NADK: variants seen among roughly 807,000 people sequenced by gnomAD.
NADK encodes the protein poly(P)/ATP NAD kinase.
A neutral mutation model predicts 49.8 loss-of-function variants in NADK; 22 were observed. The observed-to-expected ratio is 0.44, with a 90% CI of 0.32 to 0.63. The LOEUF (loss-of-function observed/expected upper bound fraction) is 0.63, where lower values mean the gene tolerates loss of function less well. Among genes scored for constraint, NADK ranks in the 30% least tolerant of loss-of-function variants. NADK has a pLI of 0.06. For synonymous variants in NADK, 268 were observed against 253.7 expected (o/e 1.06, Z -0.54); for missense variants, 438 against 609.4 (o/e 0.72, Z 2.96).
At chr1:1,756,791 A>G in intron 4 of NADK, 183 bp from the exon 5 acceptor site, 1 of 1,096,358 alleles carries the variant, frequency 9.1e-7, no homozygotes, top group Non-Finnish European at 1.4e-6. Context: ...TTAAGAGATG[A>G]CTGGGCGGAG....
rs1645349575 is a variant in NADK at position 1,752,273 on chromosome 1, GT to G, written c.*630del. On this transcript the variant is annotated 3_prime_UTR_variant, in exon 12 of 12. Transcript: ENST00000341426. ...CAGAAGCTACGTGAGGAATGTGTGG[GT>G]CGCTGGCGATGCCAGCCCCCTTCCC... The G allele has an allele frequency of 6.6e-6, 1 of 152,606 alleles. No homozygotes were observed. The highest frequency in any genetic ancestry group is 6.5e-5 in the Admixed American group (1 of 15,284). The allele number at this position is 152,606 out of a possible 1,614,324, so 9.5% of individuals were successfully genotyped here.
intron 6 of NADK, among the ~76,000 whole-genome samples, chr1:1,755,745 G>C (rs1044754602): frequency 6.6e-6 from 1 of 152,210 alleles, no homozygotes; most frequent in East Asian, 1.9e-4. Context: ...GGGGGAGCTG[G>C]CGAGGGCGGG....
intron 1 of NADK, among the ~76,000 whole-genome samples, chr1:1,775,934 G>A (rs949893798): frequency 6.6e-6 from 1 of 152,192 alleles, no homozygotes; most frequent in East Asian, 1.9e-4. Context: ...CACTTGTCCA[G>A]AACGGCTGAA....
At chr1:1,761,270 T>G (rs1048433972) in intron 3 of NADK, among the ~76,000 whole-genome samples, 1 of 152,110 alleles carries the variant, frequency 6.6e-6, no homozygotes, top group Non-Finnish European at 1.5e-5. Flanking sequence ...GGATTACAGG[T>G]GTGAGCCACC....
At chr1:1,757,152 C>CA in intron 4 of NADK, 29 bp downstream of exon 4, 3 of 1,482,532 alleles carry the variant, frequency 2.0e-6, no homozygotes, top group South Asian at 2.4e-5. Context: ...ATGTGCACCC[C>CA]AGGCCCCCTT....
rs751807515 is a variant in NADK, at chr1:1,754,159, G to A, written c.993C>T (p.Ala331=). Reference sequence around the variant, plus strand: ...CGTTGGGGTGGATCATGGAGGCCCCGGCCGCGGCCGCATACGCCGTGCTGC... The same window carrying A: ...CGTTGGGGTGGATCATGGAGGCCCCAGCCGCGGCCGCATACGCCGTGCTGC... ...PTGSTAYAAA[A]GASMIHPNVP... The change falls in exon 10 of 12, where the codon GCC becomes GCT. Residue 331 remains alanine, a synonymous_variant. Coordinates refer to ENST00000341426, the MANE Select transcript of NADK (RefSeq NM_023018.5). This position sits in a 1 kb window ranked among gnomAD's most constrained non-coding sequence, Gnocchi z 4.3. The A allele has an allele frequency of 1.4e-5, 23 of 1,612,114 alleles. No individual in the cohort carries two copies. The highest frequency in any genetic ancestry group is 8.9e-5 in the East Asian group (4 of 44,862).
intron 3 of NADK, among the ~76,000 whole-genome samples, chr1:1,760,392 C>G (rs890571020): frequency 2.6e-5 from 4 of 152,186 alleles, no homozygotes; most frequent in African/African-American, 9.7e-5. Flanking sequence ...GCCGCGGGGC[C>G]CACACTTTGC....
At chr1:1,766,545 T>C (rs1645893811) in intron 1 of NADK, among the ~76,000 whole-genome samples, 1 of 148,972 alleles carries the variant, frequency 6.7e-6, no homozygotes, top group East Asian at 2.0e-4. Context: ...TCAAATAAAA[T>C]TGAACCAGCA....
chr1:1,758,823 T>A (rs1033160488), intron 3 of NADK, among the ~76,000 whole-genome samples: 1 of 152,202 alleles, frequency 6.6e-6, no homozygotes, highest in Non-Finnish European at 1.5e-5. Context: ...TCTGTTCCCG[T>A]GGCCTCAGAC....
intron 6 of NADK, 94 bp downstream of exon 6, chr1:1,756,164 G>A: frequency 1.7e-6 from 2 of 1,184,244 alleles, no homozygotes; most frequent in Non-Finnish European, 1.3e-6. Flanking sequence ...TCGTATAAAG[G>A]GGTGAAAAGC....
chr1:1,758,488 C>G (rs751223980), intron 3 of NADK: 4 of 1,612,182 alleles, frequency 2.5e-6, no homozygotes, highest in South Asian at 1.1e-5. Context: ...GCCAGTGTGT[C>G]CACAGCATCC....
chr1:1,770,458 T>C lies in NADK; in HGVS notation c.-40-5012A>G, dbSNP rs536033648. On this transcript the variant is annotated intron_variant, in intron 1 of 11. Coordinates refer to ENST00000341426, the MANE Select transcript of NADK (RefSeq NM_023018.5). The stretch of plus-strand genomic sequence containing the variant: ...CAAATAAGTGAGTTTATTAGCAAGG[T>C]TTCAGAAGGCAAATTCAATACACAA... 7.9e-5 allele frequency among the ~76,000 whole-genome samples: 12 copies of C among 152,312 alleles called. No homozygotes were observed. In the South Asian group the frequency reaches 2.5e-3, roughly 32 times the overall value.
At chr1:1,758,411 C>G (rs1012899260) in intron 3 of NADK, 11 of 1,611,988 alleles carry the variant, frequency 6.8e-6, no homozygotes, top group Non-Finnish European at 8.5e-6. Flanking sequence ...ATGCCATCCC[C>G]TATGAGCTCA....
At chr1:1,762,180 C>T (rs1250651212) in intron 2 of NADK, 145 bp from the exon 3 acceptor site, 1 of 711,288 alleles carries the variant, frequency 1.4e-6, no homozygotes, top group Non-Finnish European at 2.4e-6. Flanking sequence ...CACACAATAG[C>T]CCTTGGAAGG....
intron 6 of NADK, among the ~76,000 whole-genome samples, chr1:1,755,733 C>T (rs1645496791): frequency 6.6e-6 from 1 of 151,736 alleles, no homozygotes; most frequent in South Asian, 2.1e-4. Context: ...GCACGGAGGG[C>T]TGGGGGAGCT....
In NADK at chr1:1,754,154, G is replaced by A; in HGVS notation, c.998C>T (p.Ala333Val). ...GSTAYAAAAGASMIHPNVPAI... is the reference protein window; with the variant it reads ...GSTAYAAAAGVSMIHPNVPAI... Reference sequence around the variant, plus strand: ...CGGCACGTTGGGGTGGATCATGGAGGCCCCGGCCGCGGCCGCATACGCCGT... The same window carrying A: ...CGGCACGTTGGGGTGGATCATGGAGACCCCGGCCGCGGCCGCATACGCCGT... Residue 333 changes from alanine to valine, a missense_variant, in exon 10 of 12, where the codon GCC (alanine) becomes GTC (valine). Coordinates refer to ENST00000341426, the MANE Select transcript of NADK (RefSeq NM_023018.5). The surrounding 1 kb of genome is among the most constrained non-coding windows in gnomAD (Gnocchi z 4.3). 1.9e-6 allele frequency: 3 copies of A among 1,612,160 alleles called. No homozygotes were observed. Among genetic ancestry groups the A allele is most frequent in the Non-Finnish European group, 2.5e-6 (3 of 1,179,618 alleles).
Position 1,754,723 on chromosome 1 carries a change from G to A in NADK, c.689-25C>T. 1.3e-6 allele frequency: 2 copies of A among 1,596,238 alleles called. No homozygotes were observed. The highest frequency in any genetic ancestry group is 1.7e-6 in the Non-Finnish European group (2 of 1,171,594). On this transcript the variant is annotated intron_variant, in intron 7 of 11. Transcript: ENST00000341426. The surrounding 1 kb of genome is among the most constrained non-coding windows in gnomAD (Gnocchi z 4.3). ...CCTGAGGTCCAGCAGGAGTCAGAGGGCATGCATCAGGGAAGTCAGTGGGGT... is the reference window on the plus strand; with the variant it reads ...CCTGAGGTCCAGCAGGAGTCAGAGGACATGCATCAGGGAAGTCAGTGGGGT...
chr1:1,754,030 A>AG lies in NADK; in HGVS notation c.1101+20dup. 1 of 1,551,948 alleles carries AG rather than the reference A, an allele frequency of 6.4e-7. No homozygotes were observed. Among genetic ancestry groups the AG allele is most frequent in the South Asian group, 1.2e-5 (1 of 83,784 alleles). ...GGTCAAATGACTCACAAACCGGAAA[A>AG]GGAGTGTCGTTGGCTCTGACCTTCA... On this transcript the variant is annotated intron_variant, in intron 10 of 11. Coordinates refer to ENST00000341426, the MANE Select transcript of NADK (RefSeq NM_023018.5). This position sits in a 1 kb window ranked among gnomAD's most constrained non-coding sequence, Gnocchi z 4.3.
intron 1 of NADK, among the ~76,000 whole-genome samples, chr1:1,765,746 G>A (rs78339347): frequency 2.6e-5 from 4 of 151,666 alleles, no homozygotes; most frequent in Non-Finnish European, 5.9e-5. Flanking sequence ...GTGAAATCCC[G>A]TCTCTACTAA....
Sources: gnomAD v4.1 joint callset for allele counts (sites outside exome capture counted in the v4.1 genomes callset) on GRCh38, gnomAD v4.1.1 for gene constraint, Gnocchi (gnomAD v3.1) non-coding constraint, MANE v1.5 for transcripts, NCBI Gene and HGNC (gene_info 2026-07-23, HGNC 2026-07-21) for gene names.